FBXL7: variants seen among roughly 807,000 people sequenced by gnomAD.
FBXL7 encodes the protein F-box/LRR-repeat protein 7.
Under a neutral mutation model 38.3 loss-of-function variants are expected in FBXL7, and 12 were observed. That is an observed-to-expected ratio of 0.31 (90% CI 0.20 to 0.51). The LOEUF (loss-of-function observed/expected upper bound fraction) is 0.51. Ranked by LOEUF, FBXL7 falls within the 20% of genes least tolerant of loss-of-function variation. The pLI is 0.98. For synonymous variants in FBXL7, 297 were observed against 300.9 expected, an observed-to-expected ratio of 0.99 and a Z score of 0.13; for missense variants, 567 against 676.4, an observed-to-expected ratio of 0.84 and a Z score of 1.79.
chr5:15,936,440 C>T lies in FBXL7; in HGVS notation c.740-10C>T, dbSNP rs1348871339. 3 of 1,609,418 alleles carry T rather than the reference C, an allele frequency of 1.9e-6. No individual in the cohort carries two copies. In the African/African-American group the frequency reaches 4.0e-5, roughly 21 times the overall value. On this transcript the variant is annotated splice_polypyrimidine_tract_variant and intron_variant, in intron 3 of 3. Transcript: ENST00000504595. This position sits in a 1 kb window ranked among gnomAD's most constrained non-coding sequence, Gnocchi z 6.0. The stretch of plus-strand genomic sequence containing the variant: ...GTTGCTCTGAGCCTGTGTTCTGTCT[C>T]TTTGTGCAGGATGCTCCAAAGTGAC...
chr5:15,738,817 G>T (rs924825360), intron 2 of FBXL7, among the ~76,000 whole-genome samples: 3 of 152,154 alleles, frequency 2.0e-5, no homozygotes, highest in Non-Finnish European at 4.4e-5. Flanking sequence ...CATTCTGTAG[G>T]GAAAGAAGAC....
chr5:15,821,914 G>A (rs1257889979), intron 2 of FBXL7, among the ~76,000 whole-genome samples: 2 of 152,070 alleles, frequency 1.3e-5, no homozygotes, highest in African/African-American at 2.4e-5. Context: ...ACAAAGAACT[G>A]CCAAGCTCCC....
At position 15,771,603 on chromosome 5, in the gene FBXL7, C is replaced by T. The variant is rs975292955; in HGVS notation, c.127+155531C>T. 7.9e-5 allele frequency among the ~76,000 whole-genome samples: 12 copies of T among 151,888 alleles called. 1 individual carries two copies. The highest frequency in any genetic ancestry group is 2.2e-4 in the African/African-American group (9 of 41,344). On this transcript the variant is annotated intron_variant, in intron 2 of 3. Transcript: ENST00000504595. ...CTGGGAATCAGGAAATCTGAATTCC[C>T]GGCCAGCTCTGCTTGTAAAAAAGCT...
intron 2 of FBXL7, among the ~76,000 whole-genome samples, chr5:15,761,262 C>T (rs969257208): frequency 6.6e-6 from 1 of 152,094 alleles, no homozygotes; most frequent in Non-Finnish European, 1.5e-5. Flanking sequence ...CCTTTTTCCT[C>T]TCTTTAAAAA....
At chr5:15,889,832 A>G (rs968360172) in intron 2 of FBXL7, among the ~76,000 whole-genome samples, 3 of 152,160 alleles carry the variant, frequency 2.0e-5, no homozygotes, top group Non-Finnish European at 4.4e-5. Context: ...CCACAGACAT[A>G]TGATCATTCA....
At chr5:15,634,512 G>T (rs1022532473) in intron 2 of FBXL7, among the ~76,000 whole-genome samples, 15 of 149,686 alleles carry the variant, frequency 1.0e-4, no homozygotes, top group African/African-American at 3.7e-4. Flanking sequence ...AGTTGGGGGG[G>T]GGGTTTACCC....
At chr5:15,887,571 C>A (rs1044219532) in intron 2 of FBXL7, among the ~76,000 whole-genome samples, 8 of 152,156 alleles carry the variant, frequency 5.3e-5, no homozygotes, top group Admixed American at 5.2e-4. Flanking sequence ...GCATGTCTAA[C>A]AAGTATAAAT....
chr5:15,670,696 G>C (rs1001480685), intron 2 of FBXL7, among the ~76,000 whole-genome samples: 2 of 152,148 alleles, frequency 1.3e-5, no homozygotes, highest in African/African-American at 4.8e-5. Flanking sequence ...AGTTACTCGG[G>C]AGGCTGAGAC....
intron 2 of FBXL7, among the ~76,000 whole-genome samples, chr5:15,633,338 A>G (rs78562075): frequency 0.013 from 2,038 of 152,288 alleles, 47 homozygotes; most frequent in African/African-American, 0.047. Context: ...AAATTCAATT[A>G]TTTGATTTTG....
chr5:15,506,009 G>C lies in FBXL7; in HGVS notation c.37+5296G>C, dbSNP rs548525685. On this transcript the variant is annotated intron_variant, in intron 1 of 3. Coordinates refer to ENST00000504595, the MANE Select transcript of FBXL7 (RefSeq NM_012304.5). Reference sequence around the variant, plus strand: ...ATGGTGGCTCTAACTTTTACAGTTTGAGGTAAGACAGCAAAGCTAGCAGGA... The same window carrying C: ...ATGGTGGCTCTAACTTTTACAGTTTCAGGTAAGACAGCAAAGCTAGCAGGA... 3.3e-5 allele frequency among the ~76,000 whole-genome samples: 5 copies of C among 152,272 alleles called. No homozygotes were observed. The East Asian group carries it at 9.6e-4, about 29-fold the overall frequency.
intron 2 of FBXL7, among the ~76,000 whole-genome samples, chr5:15,915,156 T>A (rs1741549617): frequency 6.6e-6 from 1 of 152,126 alleles, no homozygotes. Flanking sequence ...AAAAAATGGA[T>A]TTTGTTCCCT....
rs139452334 is a variant in FBXL7, at chr5:15,623,068, C to T, written c.127+6996C>T. Among the ~76,000 whole-genome samples, 32 of 152,280 alleles carry T rather than the reference C, an allele frequency of 2.1e-4. No homozygotes were observed. The East Asian group carries it at 5.6e-3, about 27-fold the overall frequency. Reference sequence around the variant, plus strand: ...GCAGGAGGTTGGTGCAGTATTGTTTCGATCAAATTAGAAAAAACATAACTT... The same window carrying T: ...GCAGGAGGTTGGTGCAGTATTGTTTTGATCAAATTAGAAAAAACATAACTT... On this transcript the variant is annotated intron_variant, in intron 2 of 3. Transcript: ENST00000504595.
chr5:15,753,931 G>A (rs995674042), intron 2 of FBXL7, among the ~76,000 whole-genome samples: 11 of 152,228 alleles, frequency 7.2e-5, no homozygotes, highest in Non-Finnish European at 1.5e-4. Flanking sequence ...GACTTCACCA[G>A]CAACTGGGCG....
At chr5:15,599,387 A>G (rs926407185) in intron 1 of FBXL7, among the ~76,000 whole-genome samples, 5 of 152,166 alleles carry the variant, frequency 3.3e-5, no homozygotes, top group Non-Finnish European at 7.3e-5. Flanking sequence ...ATGCATATAT[A>G]TATTTATGTG....
chr5:15,841,761 T>G (rs1738751874), intron 2 of FBXL7, among the ~76,000 whole-genome samples: 1 of 152,236 alleles, frequency 6.6e-6, no homozygotes, highest in Non-Finnish European at 1.5e-5. Context: ...AAGGGGCCAA[T>G]GTAAGGCTGG....
At chr5:15,871,668 A>G (rs1425181279) in intron 2 of FBXL7, among the ~76,000 whole-genome samples, 2 of 152,170 alleles carry the variant, frequency 1.3e-5, no homozygotes. Context: ...ACAAGTATCA[A>G]TAGCTGAATT....
In FBXL7 at chr5:15,814,063, G is replaced by A. The variant is rs554716700; in HGVS notation, c.128-113827G>A. On this transcript the variant is annotated intron_variant, in intron 2 of 3. Transcript: ENST00000504595. ...AACCAGAAATACCATTTGACCCAGCGATCCCTTTACTAGGTATATACCCAA... is the reference window on the plus strand; with the variant it reads ...AACCAGAAATACCATTTGACCCAGCAATCCCTTTACTAGGTATATACCCAA... 1.8e-4 allele frequency among the ~76,000 whole-genome samples: 27 copies of A among 152,204 alleles called. No homozygotes were observed. The South Asian group carries it at 4.8e-3, about 27-fold the overall frequency.
chr5:15,705,861 A>C (rs1743665962), intron 2 of FBXL7, among the ~76,000 whole-genome samples: 1 of 152,210 alleles, frequency 6.6e-6, no homozygotes, highest in East Asian at 1.9e-4. Flanking sequence ...TAAATAAATA[A>C]ATTTTTTTAA....
At chr5:15,666,661 C>T (rs1175397120) in intron 2 of FBXL7, among the ~76,000 whole-genome samples, 3 of 152,124 alleles carry the variant, frequency 2.0e-5, no homozygotes, top group Non-Finnish European at 2.9e-5. Flanking sequence ...TTTAGGTAAA[C>T]GTTCTATTGG....
Sources: gnomAD v4.1 joint callset for allele counts (sites outside exome capture counted in the v4.1 genomes callset) on GRCh38, gnomAD v4.1.1 for gene constraint, Gnocchi (gnomAD v3.1) non-coding constraint, MANE v1.5 for transcripts, NCBI Gene and HGNC (gene_info 2026-07-23, HGNC 2026-07-21) for gene names.